The following PALD1 variants were observed in gnomAD, a reference collection of about 807,000 sequenced individuals.
The protein encoded by PALD1 is paladin.
A neutral mutation model predicts 96.0 loss-of-function variants in PALD1; 57 were observed. The ratio of observed to expected loss-of-function variants is 0.59; its 90% CI spans 0.48 to 0.74. The LOEUF is 0.74. PALD1 is among the 30% of genes least tolerant of loss of function. The pLI, the probability that PALD1 is intolerant of heterozygous loss-of-function variation, is 0.00. For synonymous variants in PALD1, 464 were observed against 473.6 expected (o/e 0.98, Z 0.26); for missense variants, 1,063 against 1,143.7 (o/e 0.93, Z 1.02).
intron 1 of PALD1, among the ~76,000 whole-genome samples, chr10:70,507,810 A>C (rs1846425034): frequency 6.6e-6 from 1 of 151,118 alleles, no homozygotes; most frequent in Non-Finnish European, 1.5e-5. Context: ...ATGTGTTCGT[A>C]GAGATGAGGT....
At chr10:70,537,706 T>A in intron 10 of PALD1, 105 bp from the exon 11 acceptor site, 2 of 713,774 alleles carry the variant, frequency 2.8e-6, no homozygotes, top group Non-Finnish European at 5.0e-6. Flanking sequence ...AGGGAAAGAC[T>A]GTCTTCTGGG....
intron 19 of PALD1, among the ~76,000 whole-genome samples, chr10:70,565,353 C>T (rs868508313): frequency 6.6e-6 from 1 of 152,206 alleles, no homozygotes; most frequent in East Asian, 1.9e-4. Flanking sequence ...CACCTTGGCA[C>T]CTCTAGGTCA....
At chr10:70,564,642 A>G (rs889725764) in intron 19 of PALD1, 123 bp downstream of exon 19, 1 of 873,424 alleles carries the variant, frequency 1.1e-6, no homozygotes, top group African/African-American at 1.7e-5. Context: ...AAGAGCCCCC[A>G]TCCCCCTTTC....
the PALD1 span, among the ~76,000 whole-genome samples, chr10:70,461,213 C>A: frequency 6.6e-6 from 1 of 152,226 alleles, no homozygotes; most frequent in Admixed American, 6.5e-5. Flanking sequence ...TCTCCTCTGG[C>A]TGGAATGCCC....
At chr10:70,508,374 G>T (rs577723522) in intron 1 of PALD1, among the ~76,000 whole-genome samples, 2 of 152,324 alleles carry the variant, frequency 1.3e-5, no homozygotes, top group South Asian at 4.1e-4. Flanking sequence ...TCTAGGGACT[G>T]TGAGGAGGTG....
intron 1 of PALD1, among the ~76,000 whole-genome samples, chr10:70,519,935 G>T (rs559982737): frequency 6.6e-6 from 1 of 152,262 alleles, no homozygotes; most frequent in East Asian, 1.9e-4. Flanking sequence ...ACAACAGCTA[G>T]ATGAACTTCA....
intron 18 of PALD1, among the ~76,000 whole-genome samples, chr10:70,563,858 C>T (rs771780387): frequency 5.9e-5 from 9 of 152,176 alleles, no homozygotes; most frequent in African/African-American, 1.4e-4. Context: ...CTGCCATCGG[C>T]GCCTCCCAGG....
the PALD1 span, among the ~76,000 whole-genome samples, chr10:70,471,507 A>G: frequency 6.6e-6 from 1 of 152,194 alleles, no homozygotes; most frequent in African/African-American, 2.4e-5. Context: ...TACTCTAGCA[A>G]GCATTTTTTC....
At chr10:70,536,548 C>T (rs1242748101) in intron 10 of PALD1, among the ~76,000 whole-genome samples, 4 of 152,210 alleles carry the variant, frequency 2.6e-5, no homozygotes, top group Non-Finnish European at 4.4e-5. Context: ...CAGCAAACTA[C>T]GGCTTAGACC....
upstream of PALD1, among the ~76,000 whole-genome samples, chr10:70,476,658 G>A (rs1035817433): frequency 1.3e-5 from 2 of 152,154 alleles, no homozygotes; most frequent in African/African-American, 4.8e-5. Context: ...ACTGCAGGCT[G>A]TCCTGAGAAC....
chr10:70,501,838 T>TGCGC (rs144773783), intron 1 of PALD1, among the ~76,000 whole-genome samples: 35 of 150,446 alleles, frequency 2.3e-4, no homozygotes, highest in East Asian at 7.8e-4. Flanking sequence ...TGTGTGTGCG[T>TGCGC]GCGTGCATGC....
chr10:70,505,561 G>A (rs966835331), intron 1 of PALD1, among the ~76,000 whole-genome samples: 8 of 152,070 alleles, frequency 5.3e-5, no homozygotes, highest in Non-Finnish European at 8.8e-5. Flanking sequence ...CCGAGATCAC[G>A]TCATTGTACT....
rs202120686 is a variant in PALD1, at chr10:70,564,347, C to G, written c.2263-17C>G. 4.5e-5 allele frequency: 72 copies of G among 1,607,784 alleles called. No individual in the cohort carries two copies. In the African/African-American group the frequency reaches 7.5e-4, roughly 17 times the overall value. ...ACGGATCCCCCCACACTGACCCCAC[C>G]CTGTCCTGTCCTCCAGGCGAAGGCA... is the stretch of plus-strand genomic sequence containing the variant. On this transcript the variant is annotated splice_polypyrimidine_tract_variant and intron_variant, in intron 18 of 19. Transcript: ENST00000263563.
intron 17 of PALD1, 144 bp downstream of exon 17, chr10:70,541,678 T>G (rs1232955167): frequency 3.0e-6 from 2 of 670,444 alleles, no homozygotes; most frequent in Non-Finnish European, 5.4e-6. Flanking sequence ...CCTGTTCCCA[T>G]TTTATAGATG....
At chr10:70,474,246 TAA>T (rs372711356), upstream of PALD1, among the ~76,000 whole-genome samples, 325 of 151,926 alleles carry the variant, frequency 2.1e-3, no homozygotes, top group African/African-American at 7.6e-3. Flanking sequence ...CAGTCAGCAA[TAA>T]CAAAAAGAAA....
chr10:70,477,213 G>A (rs1397143799), upstream of PALD1, among the ~76,000 whole-genome samples: 2 of 152,174 alleles, frequency 1.3e-5, no homozygotes, highest in Non-Finnish European at 2.9e-5. Flanking sequence ...GAGGAAGAAG[G>A]AAGGAAACTG....
the PALD1 span, among the ~76,000 whole-genome samples, chr10:70,469,677 G>A: frequency 3.3e-5 from 5 of 152,070 alleles, no homozygotes; most frequent in Admixed American, 3.3e-4. Flanking sequence ...CAAGAAAGGA[G>A]ACTGAGTCAG....
chr10:70,503,552 T>C (rs1846334740), intron 1 of PALD1, among the ~76,000 whole-genome samples: 1 of 152,074 alleles, frequency 6.6e-6, no homozygotes, highest in Non-Finnish European at 1.5e-5. Flanking sequence ...ATGAATCGCT[T>C]GAACCTGGGA....
At chr10:70,557,613 C>G (rs1447219772) in intron 18 of PALD1, among the ~76,000 whole-genome samples, 1 of 152,192 alleles carries the variant, frequency 6.6e-6, no homozygotes, top group African/African-American at 2.4e-5. Context: ...GGCCCCACCG[C>G]TGGGCTGGCC....
Sources: gnomAD v4.1 joint callset for allele counts (sites outside exome capture counted in the v4.1 genomes callset) on GRCh38, gnomAD v4.1.1 for gene constraint, MANE v1.5 for transcripts, NCBI Gene and HGNC (gene_info 2026-07-23, HGNC 2026-07-21) for gene names.